Variants in TBRG4 observed in about 807,000 individuals in gnomAD.
TBRG4 encodes the protein transforming growth factor beta regulator 4.
In TBRG4, 43 loss-of-function variants were observed where a neutral mutation model predicts 65.6. The ratio of observed to expected loss-of-function variants is 0.66; its 90% confidence interval spans 0.51 to 0.85. TBRG4 has a LOEUF of 0.85. Ranked by LOEUF, TBRG4 falls within the 40% of genes least tolerant of loss-of-function variation. TBRG4 has a pLI of 0.00. For missense variants in TBRG4, 709 were observed against 787.9 expected (o/e 0.90, Z 1.20); for synonymous variants, 366 against 341.4 (o/e 1.07, Z -0.79).
Position 45,101,247 on chromosome 7 carries a change from G to C in TBRG4, c.1794+11C>G, listed in dbSNP as rs1258583605. 6.2e-7 allele frequency: 1 copy of C among 1,610,292 alleles called. No homozygotes were observed. The highest frequency in any genetic ancestry group is 1.3e-5 in the African/African-American group (1 of 74,996). On this transcript the variant is annotated intron_variant, in intron 10 of 10. Coordinates refer to ENST00000258770, the MANE Select transcript of TBRG4 (RefSeq NM_004749.4). ...CCCTGTGCAGTGACCACCTGCCCAAGAGGTACTCACGTCCACTATCAGGAA... is the reference window on the plus strand; with the variant it reads ...CCCTGTGCAGTGACCACCTGCCCAACAGGTACTCACGTCCACTATCAGGAA...
At chr7:45,103,871 A>G (rs1784847964) in intron 5 of TBRG4, 2 of 621,266 alleles carry the variant, frequency 3.2e-6, no homozygotes, top group Admixed American at 3.3e-5. Flanking sequence ...CCCAAAATGG[A>G]TGGAAGCACT....
Position 45,104,707 on chromosome 7 carries a change from G to A in TBRG4, c.738C>T (p.Cys246=). Residue 246 remains cysteine, a splice_region_variant and synonymous_variant, in exon 4 of 11, where the codon TGC becomes TGT. Coordinates refer to ENST00000258770, the MANE Select transcript of TBRG4 (RefSeq NM_004749.4). ...EPLMNRLEDK[C]LELVEHFGPN... ...GGCCAAAGTGCTCCACCAACTCCAG[G>A]CACTGTCAACCACAGCCGCGCAGAG... 1 of 1,613,526 alleles carries A rather than the reference G, an allele frequency of 6.2e-7. No homozygotes were observed.
At position 45,102,050 on chromosome 7, in the gene TBRG4, G is replaced by A; in HGVS notation, c.1342C>T (p.Gln448Ter). 6.4e-7 allele frequency: 1 copy of A among 1,569,540 alleles called. No homozygotes were observed. The highest frequency in any genetic ancestry group is 8.6e-7 in the Non-Finnish European group (1 of 1,164,338). Residue 448 changes from glutamine (Q) to a stop codon, truncating the protein, a stop_gained, in exon 8 of 11, where the codon CAG becomes TAG. Coordinates refer to ENST00000258770, the MANE Select transcript of TBRG4 (RefSeq NM_004749.4). LOFTEE classifies it high-confidence loss of function. The part of the protein sequence containing the change: ...QFLGGKSQKD[Q>*]NTFQKLLHIN... ...TGGAGCAGCTTCTGGAAGGTGTTCT[G>A]ATCCTTCTGAGACTTGCCCCCTAGG...
At chr7:45,110,900 G>A (rs145134859) in intron 1 of TBRG4, 1 of 152,088 alleles carries the variant, frequency 6.6e-6, no homozygotes, top group East Asian at 1.9e-4. Flanking sequence ...AAAAAAGAGA[G>A]AGAGATCAGA....
intron 5 of TBRG4, 123 bp downstream of exon 5, chr7:45,103,976 A>G: frequency 7.6e-7 from 1 of 1,313,474 alleles, no homozygotes; most frequent in Non-Finnish European, 1.0e-6. Flanking sequence ...AATGCAAGAA[A>G]TATGTATTTG....
chr7:45,104,840 C>G, intron 3 of TBRG4, 131 bp from the exon 4 acceptor site: 1 of 1,381,638 alleles, frequency 7.2e-7, no homozygotes, highest in Non-Finnish European at 1.0e-6. Context: ...CCTGAGCTGA[C>G]TAAACACAGG....
rs1784833406 is a variant in TBRG4, at chr7:45,103,417, G to A, written c.1092C>T (p.Ile364=). The change falls in exon 6 of 11, where the codon ATC becomes ATT. Residue 364 remains isoleucine, a synonymous_variant. Transcript: ENST00000258770. ...GTACGCTGCACAGGTGGGGCAGGGT[G>A]ATGTCCTGCGCTCTGTTCAGGACGT... ...AQHVLNRAQD[I]TLPHLCSVLL... is the part of the protein sequence containing the mutation. 1 of 1,613,720 alleles carries A rather than the reference G, an allele frequency of 6.2e-7. No individual in the cohort carries two copies. The highest frequency in any genetic ancestry group is 8.5e-7 in the Non-Finnish European group (1 of 1,179,904).
At chr7:45,103,492 C>G (rs569117491) in intron 5 of TBRG4, 49 bp from the exon 6 acceptor site, 64 of 1,366,666 alleles carry the variant, frequency 4.7e-5, no homozygotes, top group Non-Finnish European at 5.7e-5. Context: ...CTCTGCCCAG[C>G]ACGCTGTCCT....
rs1254787893 is a variant in TBRG4, at chr7:45,111,648, G to C, written c.-56C>G. ...CCCCGTGCCACAAGACCTACGCAGC[G>C]AGCACCACCGCTGACCTCCATCCGC... On this transcript the variant is annotated 5_prime_UTR_variant, in exon 1 of 11. Transcript: ENST00000258770. The C allele has an allele frequency of 3.1e-6, 4 of 1,289,288 alleles. No homozygotes were observed. The highest frequency in any genetic ancestry group is 2.5e-5 in the South Asian group (2 of 81,020). 79.9% of individuals were successfully genotyped at this position (1,289,288 alleles called of 1,614,324 possible).
chr7:45,105,788 G>A (rs1784933935), intron 2 of TBRG4, 24 bp from the exon 3 acceptor site: 1 of 1,584,824 alleles, frequency 6.3e-7, no homozygotes, highest in South Asian at 1.2e-5. Flanking sequence ...GGACACAGGA[G>A]AAATGATGTG....
rs1386427128 is a variant in TBRG4, at chr7:45,106,076, G to A, written c.412-312C>T. 4 of 610,054 alleles carry A rather than the reference G, an allele frequency of 6.6e-6. No individual in the cohort carries two copies. In the Admixed American group the frequency reaches 7.4e-5, roughly 11 times the overall value. The allele number at this position is 610,054 out of a possible 1,614,324, so 37.8% of individuals were successfully genotyped here. A position where few individuals can be genotyped will look rare whatever the true frequency, so the allele number is the denominator to read the frequency against. ...GCCAGTGCCTACCATAGACAGGGCAGGCACTGAATTTGACATGGCTGCCAA... is the reference window on the plus strand; with the variant it reads ...GCCAGTGCCTACCATAGACAGGGCAAGCACTGAATTTGACATGGCTGCCAA... On this transcript the variant is annotated intron_variant, in intron 2 of 10. Transcript: ENST00000258770.
At chr7:45,105,116 G>A (rs1278711074) in intron 3 of TBRG4, 8 of 657,322 alleles carry the variant, frequency 1.2e-5, no homozygotes, top group Admixed American at 1.9e-5. Flanking sequence ...CAGTAGCTGT[G>A]TTACTTCAGG....
chr7:45,111,402 G>A, intron 1 of TBRG4: 15 of 223,994 alleles, frequency 6.7e-5, no homozygotes, highest in South Asian at 6.0e-4. Context: ...AAACTGGCTC[G>A]CTGGGGTCAT....
intron 2 of TBRG4, among the ~76,000 whole-genome samples, chr7:45,108,099 G>A (rs950782149): frequency 6.6e-6 from 1 of 152,222 alleles, no homozygotes. Context: ...CTCAGTTAGT[G>A]CAACTCCTTC....
rs538060989 is a variant in TBRG4 at position 45,104,811 on chromosome 7, C to A, written c.736-102G>T. 22 of 1,516,208 alleles carry A rather than the reference C, an allele frequency of 1.5e-5. No homozygotes were observed. The East Asian group carries it at 5.0e-4, about 34-fold the overall frequency. 93.9% of individuals were successfully genotyped at this position (1,516,208 alleles called of 1,614,324 possible). ...GTCCCATCCAGTGCAGCCCCTGTGA[C>A]AGCCCCTGTCAGACTGGGCCTGAGC... is the stretch of plus-strand genomic sequence containing the variant. On this transcript the variant is annotated intron_variant, in intron 3 of 10. Coordinates refer to ENST00000258770, the MANE Select transcript of TBRG4 (RefSeq NM_004749.4).
intron 6 of TBRG4, 54 bp from the exon 7 acceptor site, chr7:45,102,545 A>C: frequency 6.3e-7 from 1 of 1,583,398 alleles, no homozygotes. Flanking sequence ...GGGGCTGCAA[A>C]TAGCCATGGG....
chr7:45,102,580 T>A, intron 6 of TBRG4, 89 bp from the exon 7 acceptor site: 1 of 1,533,244 alleles, frequency 6.5e-7, no homozygotes, highest in Non-Finnish European at 8.7e-7. Flanking sequence ...TGATGTGGTC[T>A]TGGCCTGGTT....
At chr7:45,103,686 G>T in intron 5 of TBRG4, 1 of 552,450 alleles carries the variant, frequency 1.8e-6, no homozygotes, top group Non-Finnish European at 3.2e-6. Context: ...TTCTGATAAG[G>T]GATTTAGAAA....
chr7:45,104,818 T>C (rs1784886295), intron 3 of TBRG4, 109 bp from the exon 4 acceptor site: 3 of 1,500,152 alleles, frequency 2.0e-6, no homozygotes, highest in Non-Finnish European at 2.7e-6. Flanking sequence ...TGACAGCCCC[T>C]GTCAGACTGG....
Sources: allele counts gnomAD v4.1 joint callset (sites outside exome capture counted in the v4.1 genomes callset), GRCh38; gene constraint gnomAD v4.1.1; transcripts MANE v1.5; gene names NCBI Gene and HGNC (gene_info 2026-07-23, HGNC 2026-07-21).